Variants in ANKRD36C observed in about 807,000 individuals in gnomAD.
ANKRD36C encodes ankyrin repeat domain 36C.
Under a neutral mutation model 276.4 loss-of-function variants are expected in ANKRD36C, and 61 were observed. The observed-to-expected ratio is 0.22, with a 90% CI of 0.18 to 0.27. ANKRD36C has a LOEUF of 0.27. ANKRD36C is among the 10% of genes least tolerant of loss of function. The pLI, the probability that ANKRD36C is intolerant of heterozygous loss-of-function variation, is 1.00. For missense variants in ANKRD36C, 1,447 were observed against 2,032.3 expected (o/e 0.71, Z 5.54); for synonymous variants, 483 against 680.1 (o/e 0.71, Z 4.51).
At chr2:95,974,532 T>C (rs1316702073) in intron 6 of ANKRD36C, among the ~76,000 whole-genome samples, 1 of 152,126 alleles carries the variant, frequency 6.6e-6, no homozygotes, top group Non-Finnish European at 1.5e-5. Context: ...GAAAAGGGAA[T>C]TGCACTAAAA....
At chr2:95,919,405 C>T (rs1195741789) in intron 34 of ANKRD36C, among the ~76,000 whole-genome samples, 2 of 133,192 alleles carry the variant, frequency 1.5e-5, no homozygotes, top group African/African-American at 5.1e-5. Context: ...CTCTCTTTCT[C>T]CTTCCACCCT....
At chr2:95,910,990 T>C (rs550035763) in intron 42 of ANKRD36C, among the ~76,000 whole-genome samples, 11 of 151,556 alleles carry the variant, frequency 7.3e-5, no homozygotes, top group Non-Finnish European at 1.0e-4. Context: ...CAAACATTCA[T>C]CATGCTCTTT....
chr2:95,902,093 G>C (rs1268324279), intron 42 of ANKRD36C, among the ~76,000 whole-genome samples: 2 of 148,888 alleles, frequency 1.3e-5, no homozygotes, highest in Non-Finnish European at 3.0e-5. Flanking sequence ...CTCTAAAGAA[G>C]TTTCATTAAA....
chr2:95,983,689 C>T (rs953003560), intron 3 of ANKRD36C, among the ~76,000 whole-genome samples: 2 of 151,848 alleles, frequency 1.3e-5, no homozygotes, highest in Non-Finnish European at 2.9e-5. Flanking sequence ...CGGCTCACTG[C>T]AACCTCCGCC....
chr2:95,957,510 C>T (rs1334337228), intron 12 of ANKRD36C, among the ~76,000 whole-genome samples: 1 of 152,302 alleles, frequency 6.6e-6, no homozygotes, highest in Non-Finnish European at 1.5e-5. Context: ...AATAATGAGC[C>T]TACACTTTTG....
At chr2:95,942,372 A>C (rs926689988) in intron 19 of ANKRD36C, among the ~76,000 whole-genome samples, 1 of 152,310 alleles carries the variant, frequency 6.6e-6, no homozygotes, top group African/African-American at 2.4e-5. Flanking sequence ...TATTTCTGGA[A>C]TATTATGGTC....
At chr2:95,911,137 A>G (rs1301444183) in intron 42 of ANKRD36C, among the ~76,000 whole-genome samples, 35 of 151,620 alleles carry the variant, frequency 2.3e-4, no homozygotes, top group Non-Finnish European at 7.4e-5. Context: ...GATAATAATC[A>G]TTATCTCTCA....
intron 6 of ANKRD36C, among the ~76,000 whole-genome samples, chr2:95,963,969 AT>A (rs1678520662): frequency 6.0e-5 from 3 of 50,078 alleles, no homozygotes; most frequent in African/African-American, 7.8e-5. Flanking sequence ...ATATATATAT[AT>A]AAATATATAT....
chr2:95,923,658 T>G lies in ANKRD36C; in HGVS notation c.2070+3A>C. 1.2e-6 allele frequency: 2 copies of G among 1,610,620 alleles called. No individual in the cohort carries two copies. The highest frequency in any genetic ancestry group is 1.7e-6 in the Non-Finnish European group (2 of 1,177,840). On this transcript the variant is annotated splice_donor_region_variant and intron_variant, in intron 31 of 66. Coordinates refer to ENST00000456556, the Ensembl canonical transcript of ANKRD36C. ...TACAAAATATAAATGAGAGTTTAAT[T>G]ACCTTTGAGGGTGGTTGTTTCTGAG...
exon 48 of ANKRD36C, chr2:95,889,838 T>C (rs771681859): frequency 1.9e-6 from 3 of 1,601,962 alleles, no homozygotes; most frequent in South Asian, 2.2e-5. Flanking sequence ...TCTGTGGCCA[T>C]ATTCGGAACA....
chr2:95,875,546 G>A (rs1322744906), intron 59 of ANKRD36C, among the ~76,000 whole-genome samples: 8 of 108,338 alleles, frequency 7.4e-5, no homozygotes, highest in Non-Finnish European at 1.4e-4. Context: ...GGGGGGAGGG[G>A]GGAGGGATAG....
At chr2:95,974,226 T>C (rs1678759169) in intron 6 of ANKRD36C, among the ~76,000 whole-genome samples, 1 of 152,260 alleles carries the variant, frequency 6.6e-6, no homozygotes, top group African/African-American at 2.4e-5. Flanking sequence ...ACCTTAAGTG[T>C]CTTAACTTAA....
intron 42 of ANKRD36C, 108 bp from the exon 47 acceptor site, chr2:95,908,805 T>G: frequency 2.7e-6 from 4 of 1,506,002 alleles, no homozygotes; most frequent in Non-Finnish European, 3.6e-6. Context: ...TGTATTAGCG[T>G]AGGCTTTGAT....
intron 22 of ANKRD36C, among the ~76,000 whole-genome samples, chr2:95,937,006 C>A (rs1272390591): frequency 6.6e-6 from 1 of 152,274 alleles, no homozygotes; most frequent in African/African-American, 2.4e-5. Context: ...CTTTATTTTA[C>A]ACTGAGGGTT....
chr2:95,988,857 T>G (rs4907291), intron 1 of ANKRD36C, among the ~76,000 whole-genome samples: 61,917 of 151,496 alleles, frequency 0.41, 13,484 homozygotes, highest in East Asian at 0.66. Flanking sequence ...GTTCACAGAA[T>G]ATACCAATAA....
At chr2:95,852,406 T>C in intron 64 of ANKRD36C, 1 of 534,432 alleles carries the variant, frequency 1.9e-6, no homozygotes, top group Non-Finnish European at 3.3e-6. Context: ...AGTCTGCATA[T>C]TGTTCATGGC....
chr2:95,980,766 C>G (rs781520365), exon 5 of ANKRD36C: 1 of 1,597,930 alleles, frequency 6.3e-7, no homozygotes, highest in Admixed American at 1.7e-5. Context: ...CCAAGAGTAA[C>G]AGCATGTATG....
intron 48 of ANKRD36C, 40 bp from the exon 69 acceptor site, chr2:95,888,160 T>C (rs1333957806): frequency 6.2e-7 from 1 of 1,606,704 alleles, no homozygotes; most frequent in Non-Finnish European, 8.5e-7. Context: ...CATATGTAAA[T>C]ATGATAAAGT....
chr2:95,923,402 A>G, intron 32 of ANKRD36C, 93 bp downstream of exon 32: 1 of 1,479,464 alleles, frequency 6.8e-7, no homozygotes, highest in South Asian at 1.2e-5. Flanking sequence ...CAGAATGTGC[A>G]GCTTTGATGA....
Sources: allele counts gnomAD v4.1 joint callset (sites outside exome capture counted in the v4.1 genomes callset), GRCh38; gene constraint gnomAD v4.1.1; transcripts MANE v1.5; gene names NCBI Gene and HGNC (gene_info 2026-07-23, HGNC 2026-07-21).